Variants in ARSB observed in about 807,000 individuals in gnomAD.
ARSB encodes the protein arylsulfatase B.
In ARSB, 41 loss-of-function variants were observed where a neutral mutation model predicts 50.9. The observed-to-expected ratio is 0.81, with a 90% CI of 0.63 to 1.04. ARSB has a LOEUF of 1.04. Ranked by LOEUF, ARSB falls within the 50% of genes least tolerant of loss-of-function variation. The pLI is 0.00. For synonymous variants in ARSB, 269 were observed against 284.8 expected, an observed-to-expected ratio of 0.94 and a Z score of 0.56; for missense variants, 672 against 693.3, an observed-to-expected ratio of 0.97 and a Z score of 0.35.
chr5:78,982,457 T>C (rs1752946956), intron 1 of ARSB, among the ~76,000 whole-genome samples: 1 of 152,234 alleles, frequency 6.6e-6, no homozygotes. Flanking sequence ...ATTTAGTATG[T>C]ATGAAGCAGT....
intron 4 of ARSB, among the ~76,000 whole-genome samples, chr5:78,927,201 C>G (rs1244728121): frequency 1.3e-5 from 2 of 152,048 alleles, no homozygotes; most frequent in African/African-American, 4.8e-5. Flanking sequence ...TTATTCAACC[C>G]AATATATAAA....
intron 5 of ARSB, among the ~76,000 whole-genome samples, chr5:78,880,120 G>A (rs377257247): frequency 3.7e-4 from 56 of 152,268 alleles, no homozygotes; most frequent in African/African-American, 1.3e-3. Context: ...GAGATTGGCC[G>A]CTAGGAGAAC....
intron 3 of ARSB, among the ~76,000 whole-genome samples, chr5:78,956,941 T>C (rs1460693682): frequency 6.7e-6 from 1 of 148,518 alleles, no homozygotes; most frequent in Non-Finnish European, 1.5e-5. Context: ...CTATATTTTA[T>C]GAGAAAAAAA....
At position 78,781,838 on chromosome 5, in the gene ARSB, G is replaced by T; in HGVS notation, c.1336+14C>A. ...TACCACGGGAAGGGAAGTTTGCTAAGCTAAGGACTCTACCTGGGTAGCCCG... is the reference window on the plus strand; with the variant it reads ...TACCACGGGAAGGGAAGTTTGCTAATCTAAGGACTCTACCTGGGTAGCCCG... On this transcript the variant is annotated intron_variant, in intron 7 of 7. Transcript: ENST00000264914. The T allele has an allele frequency of 6.2e-7, 1 of 1,614,010 alleles. No individual in the cohort carries two copies. The highest frequency in any genetic ancestry group is 8.5e-7 in the Non-Finnish European group (1 of 1,179,906).
intron 5 of ARSB, among the ~76,000 whole-genome samples, chr5:78,861,996 A>C (rs1314324201): frequency 6.6e-6 from 1 of 152,132 alleles, no homozygotes; most frequent in African/African-American, 2.4e-5. Context: ...ACCAAATCAC[A>C]ACTGAACTCC....
chr5:78,900,609 C>G (rs1018703849), intron 4 of ARSB, among the ~76,000 whole-genome samples: 4 of 152,140 alleles, frequency 2.6e-5, no homozygotes, highest in Non-Finnish European at 5.9e-5. Flanking sequence ...TACTTGAACT[C>G]TGGGTTGTTG....
chr5:78,954,666 G>A lies in ARSB; in HGVS notation c.898+629C>T, dbSNP rs1257897793. On this transcript the variant is annotated intron_variant, in intron 4 of 7. Transcript: ENST00000264914. ...ACTACATGCACTCGCCACCATGCCC[G>A]GCTAATTTTTGCATTTTTAGTAGAG... 3.3e-5 allele frequency among the ~76,000 whole-genome samples: 5 copies of A among 152,082 alleles called. No individual in the cohort carries two copies. The East Asian group carries it at 5.8e-4, about 18-fold the overall frequency.
Position 78,985,173 on chromosome 5 carries a change from G to A in ARSB, c.76C>T (p.Leu26=), listed in dbSNP as rs1220314595. The change falls in exon 1 of 8, where the codon CTG becomes TTG. Residue 26 remains leucine, a synonymous_variant. Transcript: ENST00000264914. The part of the protein sequence containing the change: ...RRLLLPVVLP[L]LLLLLLAPPG... The stretch of plus-strand genomic sequence containing the variant: ...GGCGCCAACAACAGCAGCAGCAGCA[G>A]CGGGAGGACGACGGGGAGGAGCAGC... 4.2e-6 allele frequency: 6 copies of A among 1,432,912 alleles called. No homozygotes were observed. Among genetic ancestry groups the A allele is most frequent in the Non-Finnish European group, 5.5e-6 (6 of 1,093,584 alleles). 88.8% of individuals were successfully genotyped at this position (1,432,912 alleles called of 1,614,324 possible). A position where few individuals can be genotyped will look rare whatever the true frequency, so the allele number is the denominator to read the frequency against.
At chr5:78,875,861 T>C (rs370282695) in intron 5 of ARSB, among the ~76,000 whole-genome samples, 1 of 151,726 alleles carries the variant, frequency 6.6e-6, no homozygotes, top group African/African-American at 2.4e-5. Flanking sequence ...AGAGGCAGGG[T>C]TTCACCAGGT....
Position 78,872,057 on chromosome 5 carries a change from A to G in ARSB, c.1142+13527T>C, listed in dbSNP as rs1221843991. Among the ~76,000 whole-genome samples the G allele has an allele frequency of 1.1e-4, 16 of 150,990 alleles. No individual in the cohort carries two copies. The East Asian group carries it at 1.4e-3, about 13-fold the overall frequency. On this transcript the variant is annotated intron_variant, in intron 5 of 7. Transcript: ENST00000264914. ...AGACATTTATGCAGCCAAAAAACAC[A>G]TGAAAAAATGCTCACCATCACTGGC...
chr5:78,849,240 G>A (rs1359665910), intron 5 of ARSB, among the ~76,000 whole-genome samples: 9 of 152,074 alleles, frequency 5.9e-5, no homozygotes, highest in Non-Finnish European at 2.9e-5. Context: ...ATTAATTTTT[G>A]TATAAGGTGT....
At chr5:78,891,506 A>C (rs1185766853) in intron 4 of ARSB, among the ~76,000 whole-genome samples, 1 of 152,202 alleles carries the variant, frequency 6.6e-6, no homozygotes, top group Non-Finnish European at 1.5e-5. Flanking sequence ...GGACCACTCC[A>C]GATCTGGAAA....
At chr5:78,963,698 G>C (rs1461500909) in intron 3 of ARSB, among the ~76,000 whole-genome samples, 1 of 152,114 alleles carries the variant, frequency 6.6e-6, no homozygotes, top group Non-Finnish European at 1.5e-5. Flanking sequence ...AAAAGCATCA[G>C]TATAGTAAAT....
Position 78,826,244 on chromosome 5 carries a change from A to G in ARSB, c.1213+13112T>C, listed in dbSNP as rs1165220668. Among the ~76,000 whole-genome samples the G allele has an allele frequency of 2.0e-4, 30 of 151,940 alleles. 1 individual carries two copies. Among genetic ancestry groups the G allele is most frequent in the Admixed American group, 2.0e-3 (30 of 15,258 alleles). On this transcript the variant is annotated intron_variant, in intron 6 of 7. Coordinates refer to ENST00000264914, the MANE Select transcript of ARSB (RefSeq NM_000046.5). The stretch of plus-strand genomic sequence containing the variant: ...GTATTTTCAGTAGAGATGGGGTTTC[A>G]CCATTTTGGTCAGGCTGGTCTTAAA...
chr5:78,821,335 A>G (rs1477907393), intron 6 of ARSB, among the ~76,000 whole-genome samples: 3 of 152,098 alleles, frequency 2.0e-5, no homozygotes, highest in South Asian at 2.1e-4. Flanking sequence ...ACAGAGTTTC[A>G]CCATGTCAGC....
In ARSB at chr5:78,840,891, C is replaced by T. The variant is rs150797835; in HGVS notation, c.1143-1465G>A. Reference sequence around the variant, plus strand: ...AACCAGTCCAAAATGCCAGGAACTACGGTTTGATCCCAGAAGCTCTGAATG... The same window carrying T: ...AACCAGTCCAAAATGCCAGGAACTATGGTTTGATCCCAGAAGCTCTGAATG... On this transcript the variant is annotated intron_variant, in intron 5 of 7. Transcript: ENST00000264914. Among the ~76,000 whole-genome samples the T allele has an allele frequency of 3.0e-3, 453 of 152,136 alleles. 1 individual carries two copies. Among genetic ancestry groups the T allele is most frequent in the African/African-American group, 9.9e-3 (409 of 41,482 alleles).
chr5:78,980,513 T>G (rs1274059805), intron 1 of ARSB, among the ~76,000 whole-genome samples: 2 of 152,196 alleles, frequency 1.3e-5, no homozygotes, highest in Non-Finnish European at 2.9e-5. Context: ...TAACAAAATA[T>G]TATGCAGCCC....
chr5:78,976,869 C>T (rs943503895), intron 1 of ARSB, among the ~76,000 whole-genome samples: 1 of 152,172 alleles, frequency 6.6e-6, no homozygotes, highest in African/African-American at 2.4e-5. Flanking sequence ...CAGCCTCCCT[C>T]CTCTAGCTCT....
intron 5 of ARSB, among the ~76,000 whole-genome samples, chr5:78,881,495 C>CA (rs1373395465): frequency 6.6e-5 from 10 of 151,810 alleles, no homozygotes; most frequent in Admixed American, 5.3e-4. Context: ...AACAAATCCA[C>CA]AAAAAACACC....
Sources: gnomAD v4.1 joint callset for allele counts (sites outside exome capture counted in the v4.1 genomes callset) on GRCh38, gnomAD v4.1.1 for gene constraint, MANE v1.5 for transcripts, NCBI Gene and HGNC (gene_info 2026-07-23, HGNC 2026-07-21) for gene names.